The following MRPL21 variants were observed in gnomAD, a reference collection of about 807,000 sequenced individuals.
MRPL21 encodes mitochondrial ribosomal protein L21.
In MRPL21, 20 loss-of-function variants were observed where a neutral mutation model predicts 27.3. That is an observed-to-expected ratio of 0.73 (90% confidence interval 0.52 to 1.06). The LOEUF (loss-of-function observed/expected upper bound fraction) is 1.06, where lower values mean the gene tolerates loss of function less well. MRPL21 is among the 50% of genes least tolerant of loss of function. MRPL21 has a pLI of 0.00. For missense variants in MRPL21, 249 were observed against 251.4 expected (o/e 0.99, Z 0.06); for synonymous variants, 98 against 101.5 (o/e 0.97, Z 0.21).
At chr11:68,897,769 TAACTGGTGAA>T in intron 3 of MRPL21, 148 bp downstream of exon 3, 2 of 607,066 alleles carry the variant, frequency 3.3e-6, no homozygotes, top group South Asian at 4.1e-5. Flanking sequence ...ATTCTGGTGT[TAACTGGTGAA>T]AATGGACATG....
At chr11:68,896,930 A>G (rs1249395301) in intron 3 of MRPL21, 1 of 552,366 alleles carries the variant, frequency 1.8e-6, no homozygotes, top group Non-Finnish European at 3.2e-6. Flanking sequence ...GAAGCTCCCC[A>G]AGACTGCAGA....
At chr11:68,891,957 A>G in intron 6 of MRPL21, 1 of 700,924 alleles carries the variant, frequency 1.4e-6, no homozygotes, top group Non-Finnish European at 2.1e-6. Context: ...CTCAGTGCAG[A>G]CCTGCTAGGA....
At chr11:68,893,204 G>GA in intron 5 of MRPL21, 199 bp downstream of exon 5, 2 of 1,373,618 alleles carry the variant, frequency 1.5e-6, no homozygotes, top group South Asian at 3.1e-5. Flanking sequence ...ACACTGTCAT[G>GA]AAACAGCAAG....
chr11:68,895,887 C>T (rs1218005387), intron 4 of MRPL21, among the ~76,000 whole-genome samples: 1 of 152,108 alleles, frequency 6.6e-6, no homozygotes, highest in Non-Finnish European at 1.5e-5. Flanking sequence ...ACCATGTTGC[C>T]CAGGCTAGTC....
chr11:68,903,573 G>C (rs1858031769), intron 1 of MRPL21, 150 bp downstream of exon 1: 4 of 764,052 alleles, frequency 5.2e-6, no homozygotes, highest in South Asian at 5.0e-5. Flanking sequence ...TCTGAACCTG[G>C]GTTCCCCCGA....
Position 68,893,496 on chromosome 11 carries a change from C to T in MRPL21, c.397-41G>A, listed in dbSNP as rs372182009. 5.3e-5 allele frequency: 85 copies of T among 1,613,522 alleles called. No individual in the cohort carries two copies. The African/African-American group carries it at 9.2e-4, about 17-fold the overall frequency. On this transcript the variant is annotated intron_variant, in intron 4 of 6. Transcript: ENST00000362034. ...GGTGTGTTTCATCAGTGGCTCATTACGATGAGTAAGAACAGTTGCTAATAA... is the reference window on the plus strand; with the variant it reads ...GGTGTGTTTCATCAGTGGCTCATTATGATGAGTAAGAACAGTTGCTAATAA...
chr11:68,902,694 G>A (rs1193273186), intron 1 of MRPL21, among the ~76,000 whole-genome samples: 1 of 152,164 alleles, frequency 6.6e-6, no homozygotes, highest in African/African-American at 2.4e-5. Flanking sequence ...TTCACCCTTG[G>A]TAGTGTACAT....
chr11:68,903,643 AC>A, intron 1 of MRPL21, 79 bp downstream of exon 1: 2 of 1,459,236 alleles, frequency 1.4e-6, no homozygotes, highest in South Asian at 1.1e-5. Flanking sequence ...ACCAGGTCGG[AC>A]CCAGGCACAT....
chr11:68,902,722 A>G (rs1857988765), intron 1 of MRPL21, among the ~76,000 whole-genome samples: 1 of 152,190 alleles, frequency 6.6e-6, no homozygotes, highest in Non-Finnish European at 1.5e-5. Context: ...ATTTGGACAA[A>G]CTTATAATGA....
At position 68,892,956 on chromosome 11, in the gene MRPL21, T is replaced by G; in HGVS notation, c.487A>C (p.Lys163Gln). ...ATGATTCTTGGCCATGATTCTGTCTTTTCAATGACTGTGGCTTCTACTCGA... is the reference window on the plus strand; with the variant it reads ...ATGATTCTTGGCCATGATTCTGTCTGTTCAATGACTGTGGCTTCTACTCGA... ...LVRVEATVIE[K>Q]TESWPRIIMR... is the part of the protein sequence containing the mutation. The change falls in exon 6 of 7, where the codon AAG (lysine) becomes CAG (glutamine). Residue 163 changes from lysine to glutamine, a missense_variant. Physicochemically the swap from Lys to Gln is moderately conservative, Grantham distance 53. Coordinates refer to ENST00000362034, the MANE Select transcript of MRPL21 (RefSeq NM_181514.2). The G allele has an allele frequency of 1.2e-6, 2 of 1,611,462 alleles. No individual in the cohort carries two copies. Among genetic ancestry groups the G allele is most frequent in the South Asian group, 2.2e-5 (2 of 90,644 alleles).
chr11:68,894,882 T>A (rs1231758964), intron 4 of MRPL21, among the ~76,000 whole-genome samples: 1 of 152,228 alleles, frequency 6.6e-6, no homozygotes, highest in African/African-American at 2.4e-5. Context: ...AGGAGGAGCT[T>A]TAATTCATAA....
Sources: gnomAD v4.1 joint callset for allele counts (sites outside exome capture counted in the v4.1 genomes callset) on GRCh38, gnomAD v4.1.1 for gene constraint, MANE v1.5 for transcripts, NCBI Gene and HGNC (gene_info 2026-07-23, HGNC 2026-07-21) for gene names.